SLC6A2: variants seen among roughly 807,000 people sequenced by gnomAD.
SLC6A2 encodes the protein solute carrier family 6 member 2, also known as sodium-dependent noradrenaline transporter.
A neutral mutation model predicts 71.7 loss-of-function variants in SLC6A2; 26 were observed. The ratio of observed to expected loss-of-function variants is 0.36; its 90% CI spans 0.27 to 0.50. SLC6A2 has a LOEUF of 0.50. Ranked by LOEUF, SLC6A2 falls within the 20% of genes least tolerant of loss-of-function variation. The pLI, the probability that SLC6A2 is intolerant of heterozygous loss-of-function variation, is 0.96. For synonymous variants in SLC6A2, 363 were observed against 337.9 expected (o/e 1.07, Z -0.82); for missense variants, 581 against 803.9 (o/e 0.72, Z 3.35).
In SLC6A2 at chr16:55,701,852, C is replaced by T; in HGVS notation, c.1759-11C>T. Reference sequence around the variant, plus strand: ...CCAAGCTGAGGCCTCCTCCCCTTCTCTTCCTTTCAGAGACTGGCCTATGGC... The same window carrying T: ...CCAAGCTGAGGCCTCCTCCCCTTCTTTTCCTTTCAGAGACTGGCCTATGGC... On this transcript the variant is annotated splice_polypyrimidine_tract_variant and intron_variant, in intron 13 of 14. Coordinates refer to ENST00000568943, the MANE Select transcript of SLC6A2 (RefSeq NM_001172501.3). The T allele has an allele frequency of 6.2e-7, 1 of 1,613,090 alleles. No homozygotes were observed. Among genetic ancestry groups the T allele is most frequent in the Admixed American group, 1.7e-5 (1 of 60,036 alleles).
intron 4 of SLC6A2, among the ~76,000 whole-genome samples, chr16:55,683,638 G>A (rs368950161): frequency 5.5e-5 from 8 of 144,902 alleles, no homozygotes; most frequent in Non-Finnish European, 1.2e-4. Context: ...ACAAACAAAC[G>A]AAACAAAACA....
chr16:55,656,772 G>C lies in SLC6A2; in HGVS notation c.78G>C (p.Arg26=). The C allele has an allele frequency of 6.2e-7, 1 of 1,613,312 alleles. No individual in the cohort carries two copies. Among genetic ancestry groups the C allele is most frequent in the Non-Finnish European group, 8.5e-7 (1 of 1,179,822 alleles). The change falls in exon 2 of 15, where the codon CGG becomes CGC. Residue 26 remains arginine (R), a synonymous_variant. Coordinates refer to ENST00000568943, the MANE Select transcript of SLC6A2 (RefSeq NM_001172501.3). This position sits in a 1 kb window ranked among gnomAD's most constrained non-coding sequence, Gnocchi z 4.5. ...GADTGPEQPL[R]ARKTAELLVV... is the part of the protein sequence containing the mutation. ...ACACGGGTCCAGAGCAGCCCCTTCGGGCGCGCAAAACTGCGGAGCTGCTGG... is the reference window on the plus strand; with the variant it reads ...ACACGGGTCCAGAGCAGCCCCTTCGCGCGCGCAAAACTGCGGAGCTGCTGG...
intron 4 of SLC6A2, among the ~76,000 whole-genome samples, chr16:55,675,759 G>T (rs1216890206): frequency 2.0e-5 from 3 of 148,734 alleles, no homozygotes; most frequent in African/African-American, 7.5e-5. Context: ...CTACTGTATT[G>T]GGCAGTGCAA....
chr16:55,693,574 C>T (rs1415890598), intron 6 of SLC6A2, among the ~76,000 whole-genome samples: 3 of 152,200 alleles, frequency 2.0e-5, no homozygotes, highest in Non-Finnish European at 4.4e-5. Flanking sequence ...CCCCATTGGC[C>T]CCCAAGGAGT....
intron 2 of SLC6A2, among the ~76,000 whole-genome samples, chr16:55,660,024 A>G (rs1894416978): frequency 6.6e-6 from 1 of 152,180 alleles, no homozygotes; most frequent in African/African-American, 2.4e-5. Flanking sequence ...TATGAAATGG[A>G]TGGAGAGACA....
chr16:55,695,283 C>A lies in SLC6A2; in HGVS notation c.1028C>A (p.Ala343Asp), dbSNP rs1395190746. ...CACTGTGCTTCTTCCCCCAGGGATG[C>A]CCTGCTGACCAGCAGCATCAACTGT... is the stretch of plus-strand genomic sequence containing the variant. ...NKFDNNCYRD[A>D]LLTSSINCIT... Residue 343 changes from alanine (A) to aspartate (D), a missense_variant, in exon 8 of 15, where the codon GCC becomes GAC. Physicochemically the swap from Ala to Asp is moderately radical, Grantham distance 126 (BLOSUM62 -2). Coordinates refer to ENST00000568943, the MANE Select transcript of SLC6A2 (RefSeq NM_001172501.3). 6.2e-7 allele frequency: 1 copy of A among 1,614,004 alleles called. No individual in the cohort carries two copies. The highest frequency in any genetic ancestry group is 8.5e-7 in the Non-Finnish European group (1 of 1,180,006).
At chr16:55,662,736 A>T (rs1369085692) in intron 2 of SLC6A2, among the ~76,000 whole-genome samples, 2 of 152,238 alleles carry the variant, frequency 1.3e-5, no homozygotes, top group African/African-American at 4.8e-5. Context: ...GCCCGGCGCC[A>T]GTTTCCCTGA....
At chr16:55,698,107 C>A in intron 10 of SLC6A2, 82 bp downstream of exon 10, 3 of 1,475,074 alleles carry the variant, frequency 2.0e-6, no homozygotes, top group East Asian at 2.3e-5. Context: ...AGCCTTAGAA[C>A]TGGGGCTGAG....
At chr16:55,701,425 A>C (rs1413016238) in intron 13 of SLC6A2, among the ~76,000 whole-genome samples, 1 of 152,162 alleles carries the variant, frequency 6.6e-6, no homozygotes. Context: ...ACATGGCTTG[A>C]GACCCCACAA....
chr16:55,695,549 T>C (rs1468018648), intron 8 of SLC6A2, 147 bp downstream of exon 8: 1 of 878,426 alleles, frequency 1.1e-6, no homozygotes, highest in Non-Finnish European at 1.8e-6. Flanking sequence ...TTGACTTTCC[T>C]TTGAGGTTAT....
intron 2 of SLC6A2, among the ~76,000 whole-genome samples, chr16:55,657,743 T>C (rs1334532171): frequency 6.6e-6 from 1 of 151,948 alleles, no homozygotes; most frequent in Non-Finnish European, 1.5e-5. Context: ...ACAGCCACAC[T>C]CTCTCCCCCT....
Position 55,697,891 on chromosome 16 carries a change from C to T in SLC6A2, c.1261-6C>T. ...CCTGCACCCCACCCCTCCTGGTTCC[C>T]TCCAGATGGGAGGCATGGAGGCTGT... On this transcript the variant is annotated splice_region_variant and splice_polypyrimidine_tract_variant and intron_variant, in intron 9 of 14. Coordinates refer to ENST00000568943, the MANE Select transcript of SLC6A2 (RefSeq NM_001172501.3). 8.1e-6 allele frequency: 13 copies of T among 1,614,016 alleles called. No individual in the cohort carries two copies. Among genetic ancestry groups the T allele is most frequent in the Non-Finnish European group, 1.1e-5 (13 of 1,180,006 alleles).
Position 55,702,549 on chromosome 16 carries a change from C to G in SLC6A2, c.*203C>G. The G allele has an allele frequency of 6.8e-7, 1 of 1,478,106 alleles. No individual in the cohort carries two copies. The highest frequency in any genetic ancestry group is 9.0e-7 in the Non-Finnish European group (1 of 1,113,028). 91.6% of individuals were successfully genotyped at this position (1,478,106 alleles called of 1,614,324 possible). A position where few individuals can be genotyped will look rare whatever the true frequency, so the allele number is the denominator to read the frequency against. ...GCATCTGGCCTGGGGGCTGTTAGCT[C>G]AGAGGAGAGGAGCAAACAGGAAAAT... On this transcript the variant is annotated 3_prime_UTR_variant, in exon 15 of 15. Coordinates refer to ENST00000568943, the MANE Select transcript of SLC6A2 (RefSeq NM_001172501.3).
At position 55,683,429 on chromosome 16, in the gene SLC6A2, T is replaced by C. The variant is rs564617657; in HGVS notation, c.645-1714T>C. ...GAGTTCAAGACCAGCCTGGCGAACATGGTGAAACACTATCTCTACTAAAAA... is the reference window on the plus strand; with the variant it reads ...GAGTTCAAGACCAGCCTGGCGAACACGGTGAAACACTATCTCTACTAAAAA... On this transcript the variant is annotated intron_variant, in intron 4 of 14. Coordinates refer to ENST00000568943, the MANE Select transcript of SLC6A2 (RefSeq NM_001172501.3). Among the ~76,000 whole-genome samples the C allele has an allele frequency of 6.6e-5, 10 of 152,206 alleles. No individual in the cohort carries two copies. The East Asian group carries it at 9.7e-4, about 15-fold the overall frequency.
At chr16:55,692,856 A>T (rs1183226348) in intron 6 of SLC6A2, among the ~76,000 whole-genome samples, 1 of 152,238 alleles carries the variant, frequency 6.6e-6, no homozygotes, top group African/African-American at 2.4e-5. Context: ...GCAATGTTAT[A>T]GACCGGTAAC....
intron 4 of SLC6A2, among the ~76,000 whole-genome samples, chr16:55,679,311 C>T (rs906895694): frequency 2.0e-5 from 3 of 151,808 alleles, no homozygotes; most frequent in Non-Finnish European, 2.9e-5. Context: ...ATTGCAATCT[C>T]CACCTCCCAG....
chr16:55,674,386 A>G (rs947217287), intron 4 of SLC6A2, among the ~76,000 whole-genome samples: 1 of 151,758 alleles, frequency 6.6e-6, no homozygotes, highest in Non-Finnish European at 1.5e-5. Flanking sequence ...TTGTGGCTGC[A>G]TATTATTCCA....
At chr16:55,667,834 G>A (rs1283977911) in intron 2 of SLC6A2, among the ~76,000 whole-genome samples, 1 of 152,122 alleles carries the variant, frequency 6.6e-6, no homozygotes, top group Non-Finnish European at 1.5e-5. Context: ...GAATCTGTGG[G>A]GCATGTTGGA....
chr16:55,693,664 T>C (rs1965707498), intron 6 of SLC6A2, among the ~76,000 whole-genome samples: 1 of 152,244 alleles, frequency 6.6e-6, no homozygotes, highest in African/African-American at 2.4e-5. Context: ...ACTCCTAAGA[T>C]GGCCATAACC....
Sources: gnomAD v4.1 joint callset for allele counts (sites outside exome capture counted in the v4.1 genomes callset) on GRCh38, gnomAD v4.1.1 for gene constraint, Gnocchi (gnomAD v3.1) non-coding constraint, MANE v1.5 for transcripts, NCBI Gene and HGNC (gene_info 2026-07-23, HGNC 2026-07-21) for gene names.